RGS6: variants seen among roughly 807,000 people sequenced by gnomAD.
RGS6 encodes the protein regulator of G-protein signaling 6.
Under a neutral mutation model 78.5 loss-of-function variants are expected in RGS6, and 30 were observed. The observed-to-expected ratio is 0.38, with a 90% CI of 0.29 to 0.52. The LOEUF is 0.52. RGS6 is among the 20% of genes least tolerant of loss of function. The pLI, the probability that RGS6 is intolerant of heterozygous loss-of-function variation, is 0.85. For synonymous variants in RGS6, 206 were observed against 206.0 expected, an observed-to-expected ratio of 1.00 and a Z score of 0.00; for missense variants, 495 against 609.7, an observed-to-expected ratio of 0.81 and a Z score of 1.98.
chr14:71,913,451 G>C, the RGS6 span, among the ~76,000 whole-genome samples: 1 of 152,154 alleles, frequency 6.6e-6, no homozygotes, highest in Non-Finnish European at 1.5e-5. Context: ...TGGCTCTCAC[G>C]GTCTTAGGTT....
At chr14:71,978,940 A>C (rs1420100993) in intron 2 of RGS6, among the ~76,000 whole-genome samples, 58 of 145,006 alleles carry the variant, frequency 4.0e-4, no homozygotes, top group African/African-American at 1.2e-3. Context: ...ACAATTTCAG[A>C]TCCTGTTATT....
At chr14:72,180,089 T>G (rs761379904) in intron 2 of RGS6, among the ~76,000 whole-genome samples, 1 of 152,222 alleles carries the variant, frequency 6.6e-6, no homozygotes, top group Non-Finnish European at 1.5e-5. Context: ...GAAGGAAGTT[T>G]GAGCCTTTAC....
intron 2 of RGS6, among the ~76,000 whole-genome samples, chr14:71,975,972 C>T (rs530108958): frequency 6.6e-6 from 1 of 152,220 alleles, no homozygotes; most frequent in East Asian, 1.9e-4. Context: ...CTAATTCTCT[C>T]TTCAATATAT....
At chr14:72,594,686 G>A in the RGS6 span, 1 of 152,162 alleles carries the variant, frequency 6.6e-6, no homozygotes, top group Non-Finnish European at 1.5e-5. Context: ...TCAACTGCTT[G>A]CATATTTAAA....
the RGS6 span, among the ~76,000 whole-genome samples, chr14:72,584,972 T>C: frequency 6.6e-6 from 1 of 152,106 alleles, no homozygotes; most frequent in Non-Finnish European, 1.5e-5. Context: ...AATAACCCAA[T>C]GGACCAGAAA....
At chr14:72,001,236 CAA>C (rs35292361) in intron 2 of RGS6, among the ~76,000 whole-genome samples, 5,673 of 152,172 alleles carry the variant, frequency 0.037, 339 homozygotes, top group African/African-American at 0.13. Context: ...CAGTGGGAAA[CAA>C]TGAGTCCCTG....
chr14:72,253,502 G>A (rs973182816), intron 2 of RGS6, among the ~76,000 whole-genome samples: 2 of 152,172 alleles, frequency 1.3e-5, no homozygotes, highest in Admixed American at 1.3e-4. Flanking sequence ...CAATTCTATG[G>A]CAAAAGCAGC....
intron 2 of RGS6, among the ~76,000 whole-genome samples, chr14:72,104,228 C>A (rs2095585574): frequency 6.6e-6 from 1 of 152,124 alleles, no homozygotes; most frequent in Non-Finnish European, 1.5e-5. Context: ...TGTCGGGGAT[C>A]CCCAGCTGTC....
chr14:72,515,527 A>T (rs1598570868), intron 14 of RGS6, among the ~76,000 whole-genome samples: 1 of 152,136 alleles, frequency 6.6e-6, no homozygotes, highest in Admixed American at 6.5e-5. Flanking sequence ...TTAGCTGAGC[A>T]TGGTGACATG....
chr14:72,084,247 A>G (rs1278589168), intron 2 of RGS6, among the ~76,000 whole-genome samples: 2 of 152,142 alleles, frequency 1.3e-5, no homozygotes, highest in African/African-American at 4.8e-5. Flanking sequence ...AGTTCACAAT[A>G]TGGTTTGCGT....
At chr14:72,411,137 T>A (rs563296733) in intron 3 of RGS6, among the ~76,000 whole-genome samples, 3 of 152,254 alleles carry the variant, frequency 2.0e-5, no homozygotes, top group African/African-American at 7.2e-5. Flanking sequence ...GGGGTTGGCA[T>A]TGAATCTATA....
intron 2 of RGS6, among the ~76,000 whole-genome samples, chr14:72,134,011 C>G (rs756968858): frequency 6.6e-6 from 1 of 152,210 alleles, no homozygotes; most frequent in Admixed American, 6.5e-5. Flanking sequence ...CTCTAGGCAA[C>G]TGCTTTCATT....
At chr14:72,455,380 A>G (rs1187498378) in intron 4 of RGS6, among the ~76,000 whole-genome samples, 1 of 152,180 alleles carries the variant, frequency 6.6e-6, no homozygotes, top group Non-Finnish European at 1.5e-5. Context: ...GCCCTGAACC[A>G]CAATGCTTTT....
chr14:72,408,640 G>A (rs1319165253), intron 3 of RGS6, among the ~76,000 whole-genome samples: 2 of 152,180 alleles, frequency 1.3e-5, no homozygotes, highest in African/African-American at 2.4e-5. Flanking sequence ...CAAGAGTTTA[G>A]TTTCTTAGAG....
intron 2 of RGS6, among the ~76,000 whole-genome samples, chr14:72,076,909 A>C (rs780962121): frequency 6.6e-6 from 1 of 150,700 alleles, no homozygotes; most frequent in Admixed American, 6.6e-5. Context: ...CATATATCCA[A>C]ATATACCTAT....
At chr14:72,265,624 A>G (rs1050620798) in intron 2 of RGS6, among the ~76,000 whole-genome samples, 11 of 152,264 alleles carry the variant, frequency 7.2e-5, no homozygotes, top group African/African-American at 2.4e-4. Context: ...CGGCTACCCA[A>G]TGGCCACAAG....
In RGS6 at chr14:72,562,289, G is replaced by T. The variant is rs72547270; in HGVS notation, c.1423-128G>T. The T allele has an allele frequency of 0.026, 21,981 of 833,214 alleles. 401 individuals are homozygous for T. Among genetic ancestry groups the T allele is most frequent in the Non-Finnish European group, 0.031 (15,871 of 509,074 alleles). 51.6% of individuals were successfully genotyped at this position (833,214 alleles called of 1,614,324 possible). A position where few individuals can be genotyped will look rare whatever the true frequency, so the allele number is the denominator to read the frequency against. ...CACCTAGAGATCAAATATCAAGATG[G>T]TCAGTTGGGTTGGTTGGTCGTTTGG... On this transcript the variant is annotated intron_variant, in intron 17 of 17. Transcript: ENST00000553525.
chr14:72,538,777 G>A (rs1056937998), intron 16 of RGS6, among the ~76,000 whole-genome samples: 8 of 152,210 alleles, frequency 5.3e-5, no homozygotes, highest in African/African-American at 1.9e-4. Context: ...GTGTTATGTC[G>A]TTTGTGTTGT....
At chr14:72,297,796 C>T (rs575202734) in intron 2 of RGS6, among the ~76,000 whole-genome samples, 27 of 151,950 alleles carry the variant, frequency 1.8e-4, no homozygotes, top group African/African-American at 6.5e-4. Flanking sequence ...TTTCTCTCAA[C>T]AGTATTTTGA....
Sources: gnomAD v4.1 joint callset for allele counts (sites outside exome capture counted in the v4.1 genomes callset) on GRCh38, gnomAD v4.1.1 for gene constraint, MANE v1.5 for transcripts, NCBI Gene and HGNC (gene_info 2026-07-23, HGNC 2026-07-21) for gene names.